The following ADGRV1 variants were observed in gnomAD, a reference collection of about 807,000 sequenced individuals.
ADGRV1 encodes adhesion G protein-coupled receptor V1.
In ADGRV1, 359 loss-of-function variants were observed where a neutral mutation model predicts 596.2. The ratio of observed to expected loss-of-function variants is 0.60; its 90% confidence interval spans 0.55 to 0.66. ADGRV1 has a LOEUF of 0.66. ADGRV1 is among the 30% of genes least tolerant of loss of function. The probability of loss-of-function intolerance (pLI) is 0.00; values close to 1 mark genes in which losing one functional copy is unlikely to be tolerated. For missense variants in ADGRV1, 7,274 were observed against 7,575.6 expected (o/e 0.96, Z 1.48); for synonymous variants, 2,681 against 2,679.2 (o/e 1.00, Z -0.02).
intron 85 of ADGRV1, among the ~76,000 whole-genome samples, chr5:91,054,883 G>C (rs1786698441): frequency 4.6e-5 from 7 of 152,088 alleles, no homozygotes; most frequent in Admixed American, 4.6e-4. Flanking sequence ...GAGATTGAGT[G>C]TGCTTCCCCA....
chr5:90,641,495 A>G (rs7707357), intron 11 of ADGRV1, among the ~76,000 whole-genome samples: 27,564 of 152,182 alleles, frequency 0.18, 2,694 homozygotes, highest in East Asian at 0.4. Flanking sequence ...AAGAAATTTT[A>G]ATTAATGAGG....
Position 90,823,588 on chromosome 5 carries a change from C to T in ADGRV1, c.16360C>T (p.Pro5454Ser), listed in dbSNP as rs765387479. ...TKCFISIELK[P>S]EKVPQVEVYF... ...ATGCTTTATCAGCATTGAACTCAAA[C>T]CAGAAAAGGTAAGAAATGAAGAGAC... The change falls in exon 76 of 90, where the codon CCA becomes TCA. Residue 5454 changes from proline to serine, a missense_variant. Pro to Ser is a moderately conservative substitution (Grantham distance 74). Coordinates refer to ENST00000405460, the MANE Select transcript of ADGRV1 (RefSeq NM_032119.4). 3.7e-6 allele frequency: 6 copies of T among 1,613,184 alleles called. No homozygotes were observed. Among genetic ancestry groups the T allele is most frequent in the Non-Finnish European group, 5.1e-6 (6 of 1,179,476 alleles).
chr5:90,828,633 G>A (rs1411714151), intron 76 of ADGRV1, among the ~76,000 whole-genome samples: 2 of 151,990 alleles, frequency 1.3e-5, no homozygotes, highest in East Asian at 3.9e-4. Flanking sequence ...CTACTTTATA[G>A]TGTTTTGTGG....
Position 90,692,683 on chromosome 5 carries a change from G to T in ADGRV1, c.7030G>T (p.Ala2344Ser), listed in dbSNP as rs373807911. The change falls in exon 32 of 90, where the codon GCC becomes TCC. Residue 2344 changes from alanine (A) to serine (S), a missense_variant. Physicochemically the swap from Ala to Ser is moderately conservative, Grantham distance 99 (BLOSUM62 1). This residue lies in a region of ADGRV1 where 3,643 missense variants were observed against 3,809.2 expected (regional missense o/e 0.96). Transcript: ENST00000405460. ...TCGAATTGCAAATATTATTATTCCT[G>T]CCAATGATGATCCTTATGGTACAGT... ...LDRIANIIIPANDDPYGTVAF... is the reference protein window; with the variant it reads ...LDRIANIIIPSNDDPYGTVAF... The T allele has an allele frequency of 2.4e-5, 38 of 1,610,934 alleles. No homozygotes were observed. The highest frequency in any genetic ancestry group is 3.4e-5 in the Admixed American group (2 of 59,554).
chr5:90,824,026 C>T (rs545200965), intron 76 of ADGRV1, among the ~76,000 whole-genome samples: 36 of 152,292 alleles, frequency 2.4e-4, no homozygotes, highest in African/African-American at 8.4e-4. Flanking sequence ...GCTAACTCTT[C>T]TACACATTAA....
At chr5:90,576,891 C>G (rs545460882) in intron 1 of ADGRV1, among the ~76,000 whole-genome samples, 1 of 152,236 alleles carries the variant, frequency 6.6e-6, no homozygotes, top group South Asian at 2.1e-4. Flanking sequence ...TTTCATGTGT[C>G]TGTTGGCTGC....
rs1362725372 is a variant in ADGRV1 at position 90,911,450 on chromosome 5, T to G, written c.17856+47593T>G. The stretch of plus-strand genomic sequence containing the variant: ...TTTACTTTGTTTATTCAAAGGTCAT[T>G]AAAAGATGTGATTTAGATTTGTTTT... On this transcript the variant is annotated intron_variant, in intron 83 of 89. Transcript: ENST00000405460. Among the ~76,000 whole-genome samples, 4 of 152,200 alleles carry G rather than the reference T, an allele frequency of 2.6e-5. No individual in the cohort carries two copies. In the East Asian group the frequency reaches 7.7e-4, roughly 29 times the overall value.
intron 70 of ADGRV1, among the ~76,000 whole-genome samples, chr5:90,798,349 C>G (rs1760980334): frequency 6.6e-6 from 1 of 151,996 alleles, no homozygotes; most frequent in Non-Finnish European, 1.5e-5. Context: ...TTCATGGACA[C>G]ATACACCCTC....
chr5:90,759,335 ATT>A lies in ADGRV1; in HGVS notation c.11941-72_11941-71del, dbSNP rs140203604. ...TGTCAGCAAAAACTGTGATTACATT[ATT>A]TCTTTCCTCATTTCCTATCTTCCTC... On this transcript the variant is annotated intron_variant, in intron 57 of 89. Transcript: ENST00000405460. 7 of 1,115,476 alleles carry A rather than the reference ATT, an allele frequency of 6.3e-6. No individual in the cohort carries two copies. The East Asian group carries it at 1.8e-4, about 29-fold the overall frequency. 69.1% of individuals were successfully genotyped at this position (1,115,476 alleles called of 1,614,324 possible). A position where few individuals can be genotyped will look rare whatever the true frequency, so the allele number is the denominator to read the frequency against.
chr5:90,795,260 C>T (rs771802355), intron 70 of ADGRV1, among the ~76,000 whole-genome samples: 11 of 152,224 alleles, frequency 7.2e-5, no homozygotes, highest in South Asian at 4.1e-4. Context: ...TTGAAATTCT[C>T]GCTGCCAGCA....
At chr5:91,018,626 A>G (rs574034601) in intron 85 of ADGRV1, among the ~76,000 whole-genome samples, 1 of 152,106 alleles carries the variant, frequency 6.6e-6, no homozygotes, top group Middle Eastern at 3.4e-3. Flanking sequence ...CATTCATACA[A>G]ATAAATTAAG....
At chr5:90,725,732 A>T (rs1354401705) in intron 48 of ADGRV1, 76 bp downstream of exon 48, 5 of 840,276 alleles carry the variant, frequency 6.0e-6, no homozygotes, top group Admixed American at 4.5e-5. Context: ...TACCAAAGGT[A>T]TGGTCTGCTG....
At chr5:91,139,432 A>G (rs1378548286) in intron 87 of ADGRV1, among the ~76,000 whole-genome samples, 1 of 152,222 alleles carries the variant, frequency 6.6e-6, no homozygotes, top group Non-Finnish European at 1.5e-5. Context: ...TAGAAGGGAC[A>G]TTGGTGTGAG....
chr5:90,760,723 T>C (rs1203536667), intron 58 of ADGRV1, among the ~76,000 whole-genome samples: 1 of 152,190 alleles, frequency 6.6e-6, no homozygotes, highest in Non-Finnish European at 1.5e-5. Flanking sequence ...ATTGGCTGTT[T>C]ACTTCCAAGA....
intron 86 of ADGRV1, among the ~76,000 whole-genome samples, chr5:91,074,534 A>G (rs1347274578): frequency 6.6e-6 from 1 of 152,204 alleles, no homozygotes; most frequent in East Asian, 1.9e-4. Flanking sequence ...ATAATATTCC[A>G]TGGTGTATAT....
intron 85 of ADGRV1, among the ~76,000 whole-genome samples, chr5:90,996,899 A>G (rs1049575231): frequency 1.3e-5 from 2 of 152,210 alleles, no homozygotes; most frequent in African/African-American, 4.8e-5. Context: ...TTGGATTTCC[A>G]TGGAACCTGT....
chr5:90,732,144 G>T (rs992416912), intron 50 of ADGRV1, among the ~76,000 whole-genome samples: 2 of 152,062 alleles, frequency 1.3e-5, no homozygotes, highest in East Asian at 3.9e-4. Context: ...AGGACTACAG[G>T]CATGCTCCAT....
chr5:90,944,327 C>A (rs1776399332), intron 83 of ADGRV1, among the ~76,000 whole-genome samples: 1 of 152,114 alleles, frequency 6.6e-6, no homozygotes, highest in South Asian at 2.1e-4. Flanking sequence ...TGAATCAGGG[C>A]AGCAGGCATT....
chr5:90,844,518 C>A (rs1258655078), intron 78 of ADGRV1, among the ~76,000 whole-genome samples: 2 of 152,238 alleles, frequency 1.3e-5, no homozygotes, highest in East Asian at 3.9e-4. Flanking sequence ...TATTCTATCC[C>A]CTGATTTTCC....
Sources: gnomAD v4.1 joint callset for allele counts (sites outside exome capture counted in the v4.1 genomes callset) on GRCh38, gnomAD v4.1.1 for gene constraint, gnomAD v4.1.1 regional missense constraint, MANE v1.5 for transcripts, NCBI Gene and HGNC (gene_info 2026-07-23, HGNC 2026-07-21) for gene names.